The following ENOX1 variants were observed in gnomAD, a reference collection of about 807,000 sequenced individuals.
ENOX1 encodes ecto-NOX disulfide-thiol exchanger 1, also known as candidate growth-related and time keeping constitutive hydroquinone (NADH) oxidase.
A neutral mutation model predicts 82.5 loss-of-function variants in ENOX1; 42 were observed. The observed-to-expected ratio is 0.51, with a 90% confidence interval of 0.40 to 0.66. The LOEUF (loss-of-function observed/expected upper bound fraction) is 0.66. ENOX1 is among the 30% of genes least tolerant of loss of function. The pLI is 0.00. For missense variants in ENOX1, 608 were observed against 811.6 expected (o/e 0.75, Z 3.05); for synonymous variants, 271 against 282.2 (o/e 0.96, Z 0.40).
intron 12 of ENOX1, among the ~76,000 whole-genome samples, chr13:43,291,400 A>G (rs2045991768): frequency 6.6e-6 from 1 of 152,168 alleles, no homozygotes; most frequent in Admixed American, 6.5e-5. Flanking sequence ...TCTTTGTTCC[A>G]TATTTCAACC....
chr13:43,581,172 G>A (rs1182292412), intron 2 of ENOX1, among the ~76,000 whole-genome samples: 4 of 114,308 alleles, frequency 3.5e-5, no homozygotes, highest in East Asian at 2.5e-4. Context: ...TCACTCTGTC[G>A]CCCAGGCTGG....
At chr13:43,720,159 T>C (rs1183255160) in intron 1 of ENOX1, among the ~76,000 whole-genome samples, 1 of 152,204 alleles carries the variant, frequency 6.6e-6, no homozygotes, top group Non-Finnish European at 1.5e-5. Flanking sequence ...GGACTGTGCT[T>C]GCAGACTTAT....
At chr13:43,523,700 C>T (rs1340030321) in intron 2 of ENOX1, among the ~76,000 whole-genome samples, 1 of 152,136 alleles carries the variant, frequency 6.6e-6, no homozygotes, top group Admixed American at 6.5e-5. Context: ...TTCCCTCCAT[C>T]CTCCTGGTAG....
intron 2 of ENOX1, among the ~76,000 whole-genome samples, chr13:43,494,323 C>A (rs2076721305): frequency 1.3e-5 from 2 of 152,052 alleles, no homozygotes; most frequent in Admixed American, 1.3e-4. Flanking sequence ...TTTTTGGATT[C>A]CTCTCTAATA....
At chr13:43,270,020 C>A (rs1300149679) in intron 12 of ENOX1, among the ~76,000 whole-genome samples, 2 of 152,190 alleles carry the variant, frequency 1.3e-5, no homozygotes, top group Non-Finnish European at 2.9e-5. Flanking sequence ...CTTTTACTTT[C>A]TCTGTTATGA....
chr13:43,261,645 A>C (rs1566363827), intron 14 of ENOX1, among the ~76,000 whole-genome samples: 1 of 151,642 alleles, frequency 6.6e-6, no homozygotes, highest in Non-Finnish European at 1.5e-5. Context: ...TACACCATGG[A>C]ATACTATGCA....
At chr13:43,655,588 T>C (rs1350006185) in intron 2 of ENOX1, among the ~76,000 whole-genome samples, 3 of 152,196 alleles carry the variant, frequency 2.0e-5, no homozygotes. Flanking sequence ...GAATGTCATG[T>C]TGATCATGTC....
At chr13:43,256,123 CCTCT>C (rs1204365950) in intron 14 of ENOX1, among the ~76,000 whole-genome samples, 1 of 152,020 alleles carries the variant, frequency 6.6e-6, no homozygotes, top group African/African-American at 2.4e-5. Context: ...AAACTAGACC[CCTCT>C]CTCTCACCAT....
chr13:43,337,740 CACACACACACAT>C (rs751973922), intron 9 of ENOX1, among the ~76,000 whole-genome samples: 1 of 151,944 alleles, frequency 6.6e-6, no homozygotes, highest in Non-Finnish European at 1.5e-5. Context: ...TTTCATTTTA[CACACACACACAT>C]ACACACACAC....
At chr13:43,632,944 A>G (rs1363516025) in intron 2 of ENOX1, among the ~76,000 whole-genome samples, 1 of 152,142 alleles carries the variant, frequency 6.6e-6, no homozygotes, top group Non-Finnish European at 1.5e-5. Flanking sequence ...GAGGTGTATC[A>G]TATATTTAAT....
intron 3 of ENOX1, among the ~76,000 whole-genome samples, chr13:43,462,072 C>T (rs1471736802): frequency 1.3e-5 from 2 of 152,168 alleles, no homozygotes; most frequent in Non-Finnish European, 2.9e-5. Context: ...GACAGTGAGG[C>T]AGGTGCTGCA....
intron 5 of ENOX1, among the ~76,000 whole-genome samples, chr13:43,382,899 G>A (rs1253348242): frequency 2.6e-5 from 4 of 152,126 alleles, no homozygotes; most frequent in Non-Finnish European, 4.4e-5. Context: ...TTCAACTAGG[G>A]AATGCATGAT....
At chr13:43,357,104 T>G (rs2050205732) in intron 7 of ENOX1, among the ~76,000 whole-genome samples, 2 of 152,266 alleles carry the variant, frequency 1.3e-5, no homozygotes, top group African/African-American at 4.8e-5. Context: ...CTCTTCAGTT[T>G]GGGGTACTCA....
rs1471686402 is a variant in ENOX1, at chr13:43,786,764, T to A, written c.-397A>T. On this transcript the variant is annotated 5_prime_UTR_variant, in exon 1 of 17. Transcript: ENST00000690772. This position sits in a 1 kb window ranked among gnomAD's most constrained non-coding sequence, Gnocchi z 6.0. ...TCCTCCTCCTTTGCTTCTCCCGGACTCTGTCCCGGGCACGGAGCTGGGAGA... is the reference window on the plus strand; with the variant it reads ...TCCTCCTCCTTTGCTTCTCCCGGACACTGTCCCGGGCACGGAGCTGGGAGA... The A allele has an allele frequency of 1.3e-5, 2 of 152,228 alleles. No individual in the cohort carries two copies. The highest frequency in any genetic ancestry group is 2.9e-5 in the Non-Finnish European group (2 of 68,098). 9.4% of individuals were successfully genotyped at this position (152,228 alleles called of 1,614,324 possible). A position where few individuals can be genotyped will look rare whatever the true frequency, so the allele number is the denominator to read the frequency against.
At chr13:43,489,134 C>T (rs2076533054) in intron 2 of ENOX1, among the ~76,000 whole-genome samples, 1 of 152,158 alleles carries the variant, frequency 6.6e-6, no homozygotes, top group African/African-American at 2.4e-5. Context: ...TGACAATGCA[C>T]CAATGGCTCT....
intron 8 of ENOX1, among the ~76,000 whole-genome samples, chr13:43,348,865 A>G (rs902101367): frequency 6.6e-6 from 1 of 152,268 alleles, no homozygotes; most frequent in African/African-American, 2.4e-5. Context: ...GTTCTTCACA[A>G]TAAAGAAAGA....
At chr13:43,663,442 T>C (rs1034173382) in intron 2 of ENOX1, among the ~76,000 whole-genome samples, 10 of 152,154 alleles carry the variant, frequency 6.6e-5, no homozygotes, top group African/African-American at 2.4e-4. Flanking sequence ...GAATGTTCTC[T>C]CTCTACCACT....
intron 2 of ENOX1, among the ~76,000 whole-genome samples, chr13:43,624,246 G>T (rs992942469): frequency 1.3e-5 from 2 of 152,148 alleles, no homozygotes; most frequent in East Asian, 3.9e-4. Context: ...ATTTCTTTGT[G>T]TCTTTTTCCT....
chr13:43,496,757 G>A (rs931848014), intron 2 of ENOX1, among the ~76,000 whole-genome samples: 5 of 152,054 alleles, frequency 3.3e-5, no homozygotes, highest in African/African-American at 1.2e-4. Flanking sequence ...GTATAAGTCT[G>A]TGTCTATTTC....
Sources: gnomAD v4.1 joint callset for allele counts (sites outside exome capture counted in the v4.1 genomes callset) on GRCh38, gnomAD v4.1.1 for gene constraint, Gnocchi (gnomAD v3.1) non-coding constraint, MANE v1.5 for transcripts, NCBI Gene and HGNC (gene_info 2026-07-23, HGNC 2026-07-21) for gene names.